The following IZUMO1R variants were observed in gnomAD, a reference collection of about 807,000 sequenced individuals.
The protein encoded by IZUMO1R is IZUMO1 receptor, JUNO.
IZUMO1R carries 24 observed loss-of-function variants against 22.1 expected under a neutral mutation model. The observed-to-expected ratio is 1.09, with a 90% CI of 0.79 to 1.53. The LOEUF is 1.53. IZUMO1R is among the 40% of genes most tolerant of loss of function. IZUMO1R has a pLI of 0.00. For synonymous variants in IZUMO1R, 133 were observed against 121.2 expected, an observed-to-expected ratio of 1.10 and a Z score of -0.64; for missense variants, 308 against 314.9, an observed-to-expected ratio of 0.98 and a Z score of 0.17.
At position 94,305,733 on chromosome 11, in the gene IZUMO1R, C is replaced by T. The variant is rs535597232; in HGVS notation, c.97C>T (p.His33Tyr). 6.2e-7 allele frequency: 1 copy of T among 1,613,322 alleles called. No individual in the cohort carries two copies. The highest frequency in any genetic ancestry group is 1.1e-5 in the South Asian group (1 of 91,012). The change falls in exon 2 of 5, where the codon CAC (histidine) becomes TAC (tyrosine). Residue 33 changes from histidine to tyrosine, a missense_variant. Physicochemically the swap from His to Tyr is moderately conservative, Grantham distance 83. Coordinates refer to ENST00000687084, the MANE Select transcript of IZUMO1R (RefSeq NM_001199206.4). ...LLNICMNAKHHKRVPSPEDKL... is the reference protein window; with the variant it reads ...LLNICMNAKHYKRVPSPEDKL... ...CAACATCTGCATGAATGCCAAACAC[C>T]ACAAGAGAGTGCCCAGCCCAGAAGA... is the stretch of plus-strand genomic sequence containing the variant.
rs1436019283 is a variant in IZUMO1R at position 94,307,962 on chromosome 11, G to A, written c.*270G>A. On this transcript the variant is annotated 3_prime_UTR_variant, in exon 5 of 5. Coordinates refer to ENST00000687084, the MANE Select transcript of IZUMO1R (RefSeq NM_001199206.4). ...TGCTCTATCTTAGCTGGCCTAGGAG[G>A]CAGCTGGGGGCTGGAAGTGCCAAGG... is the stretch of plus-strand genomic sequence containing the variant. Among the ~76,000 whole-genome samples the A allele has an allele frequency of 6.6e-6, 1 of 152,030 alleles. No homozygotes were observed. Among genetic ancestry groups the A allele is most frequent in the Admixed American group, 6.5e-5 (1 of 15,288 alleles).
chr11:94,305,970 C>G (rs943905696), intron 2 of IZUMO1R, among the ~76,000 whole-genome samples, 196 bp downstream of exon 2: 1 of 151,094 alleles, frequency 6.6e-6, no homozygotes, highest in Non-Finnish European at 1.5e-5. Flanking sequence ...CATTTCTGAG[C>G]TGCTCTAGCC....
rs754098301 is a variant in IZUMO1R at position 94,305,700 on chromosome 11, G to A, written c.64G>A (p.Glu22Lys). 56 of 1,613,212 alleles carry A rather than the reference G, an allele frequency of 3.5e-5. No homozygotes were observed. The highest frequency in any genetic ancestry group is 5.0e-5 in the Admixed American group (3 of 59,946). ...AGTCATGCCCACCTGGGCTGGGGACGAGCTGCTCAACATCTGCATGAATGC... is the reference window on the plus strand; with the variant it reads ...AGTCATGCCCACCTGGGCTGGGGACAAGCTGCTCAACATCTGCATGAATGC... ...WTVMPTWAGD[E>K]LLNICMNAKH... is the part of the protein sequence containing the mutation. The change falls in exon 2 of 5, where the codon GAG becomes AAG. Residue 22 changes from glutamate to lysine, a missense_variant. Coordinates refer to ENST00000687084, the MANE Select transcript of IZUMO1R (RefSeq NM_001199206.4).
In IZUMO1R at chr11:94,306,544, C is replaced by A; in HGVS notation, c.170C>A (p.Thr57Asn). ...CCCTGGAAGGACAATGCCTGCTGCA[C>A]CCTCACGACAAGCTGGGAAGCCCAT... The part of the protein sequence containing the change: ...CIPWKDNACC[T>N]LTTSWEAHLD... The change falls in exon 3 of 5, where the codon ACC (threonine) becomes AAC (asparagine). Residue 57 changes from threonine to asparagine, a missense_variant. By Grantham distance (65) the Thr-to-Asn change is moderately conservative. Transcript: ENST00000687084. 1 of 1,613,946 alleles carries A rather than the reference C, an allele frequency of 6.2e-7. No homozygotes were observed. The highest frequency in any genetic ancestry group is 1.1e-5 in the South Asian group (1 of 91,076).
In IZUMO1R at chr11:94,307,493, T is replaced by A; in HGVS notation, c.554T>A (p.Leu185Gln). ...FSHYFPTPAD[L>Q]CEKTWSNSFK... ...CATTACTTCCCCACCCCAGCTGACC[T>A]GTGTGAGAAGACTTGGAGCAATTCC... Residue 185 changes from leucine (L) to glutamine (Q), a missense_variant, in exon 5 of 5, where the codon CTG becomes CAG. Leu to Gln is a moderately radical substitution (Grantham distance 113). Transcript: ENST00000687084. 1 of 1,613,844 alleles carries A rather than the reference T, an allele frequency of 6.2e-7. No individual in the cohort carries two copies. The highest frequency in any genetic ancestry group is 2.2e-5 in the East Asian group (1 of 44,846).
rs1944038990 is a variant in IZUMO1R at position 94,307,798 on chromosome 11, G to A, written c.*106G>A. On this transcript the variant is annotated 3_prime_UTR_variant, in exon 5 of 5. Transcript: ENST00000687084. ...GGCCCTCCCCTAAAAGCAGTGGCAT[G>A]GGCTAGGGACTGCAGTCCCACCCAG... is the stretch of plus-strand genomic sequence containing the variant. 1 of 1,195,026 alleles carries A rather than the reference G, an allele frequency of 8.4e-7. No homozygotes were observed. The highest frequency in any genetic ancestry group is 1.2e-6 in the Non-Finnish European group (1 of 855,322). 74.0% of individuals were successfully genotyped at this position (1,195,026 alleles called of 1,614,324 possible). A position where few individuals can be genotyped will look rare whatever the true frequency, so the allele number is the denominator to read the frequency against.
At chr11:94,305,795 T>A (rs754188100) in intron 2 of IZUMO1R, 21 bp downstream of exon 2, 4 of 1,611,280 alleles carry the variant, frequency 2.5e-6, no homozygotes, top group Non-Finnish European at 3.4e-6. Context: ...CAGACCTGGG[T>A]ATGGGATGGG....
In IZUMO1R at chr11:94,304,814, T is replaced by G. The variant is rs1943998086; in HGVS notation, c.-72T>G. On this transcript the variant is annotated 5_prime_UTR_variant, in exon 1 of 5. Transcript: ENST00000687084. ...GTAATAAATGGGCGGGACATGGAAC[T>G]CCCCTCAGCCTCATAGTCTCAGGGG... 6.6e-6 allele frequency among the ~76,000 whole-genome samples: 1 copy of G among 151,994 alleles called. No homozygotes were observed. Among genetic ancestry groups the G allele is most frequent in the South Asian group, 2.1e-4 (1 of 4,808 alleles).
chr11:94,307,335 G>A (rs781216081), intron 4 of IZUMO1R, 35 bp downstream of exon 4: 9 of 1,612,478 alleles, frequency 5.6e-6, no homozygotes, highest in Non-Finnish European at 5.9e-6. Flanking sequence ...GTCGGGAAGA[G>A]GCCCCTTGGT....
chr11:94,305,811 T>C, intron 2 of IZUMO1R, 37 bp downstream of exon 2: 2 of 1,606,404 alleles, frequency 1.2e-6, no homozygotes, highest in Non-Finnish European at 1.7e-6. Flanking sequence ...ATGGGGAAGA[T>C]CAGGGAAGGG....
chr11:94,306,738 G>T lies in IZUMO1R; in HGVS notation c.348+16G>T. 1.2e-6 allele frequency: 2 copies of T among 1,611,778 alleles called. No homozygotes were observed. The highest frequency in any genetic ancestry group is 1.7e-6 in the Non-Finnish European group (2 of 1,178,178). ...GGGGTGGGAGGTAGGAAGCAGATCT[G>T]TGCCATGCCCTGTTATTATATTAAC... On this transcript the variant is annotated intron_variant, in intron 3 of 4. Coordinates refer to ENST00000687084, the MANE Select transcript of IZUMO1R (RefSeq NM_001199206.4).
Position 94,307,903 on chromosome 11 carries a change from C to G in IZUMO1R, c.*211C>G, listed in dbSNP as rs1314416551. On this transcript the variant is annotated 3_prime_UTR_variant, in exon 5 of 5. Transcript: ENST00000687084. ...GGCTTCAGCGGCTGGTGCCTGCAAC[C>G]TGCACATTTGGTCCGAGACCCCCTC... is the stretch of plus-strand genomic sequence containing the variant. 6.6e-6 allele frequency among the ~76,000 whole-genome samples: 1 copy of G among 151,772 alleles called. No individual in the cohort carries two copies. Among genetic ancestry groups the G allele is most frequent in the Non-Finnish European group, 1.5e-5 (1 of 67,894 alleles).
At position 94,307,745 on chromosome 11, in the gene IZUMO1R, G is replaced by A. The variant is rs989870406; in HGVS notation, c.*53G>A. 3.8e-6 allele frequency: 6 copies of A among 1,586,660 alleles called. No homozygotes were observed. In the African/African-American group the frequency reaches 4.0e-5, roughly 11 times the overall value. ...TGCATGTCCACCAACTGTGGGTCAG[G>A]CCAGGCCATGGCCTACCTCCTTCCT... On this transcript the variant is annotated 3_prime_UTR_variant, in exon 5 of 5. Coordinates refer to ENST00000687084, the MANE Select transcript of IZUMO1R (RefSeq NM_001199206.4).
rs1289936025 is a variant in IZUMO1R at position 94,306,724 on chromosome 11, T to C, written c.348+2T>C. On this transcript the variant is annotated splice_donor_variant, in intron 3 of 4. Transcript: ENST00000687084. LOFTEE classifies it high-confidence loss of function. The stretch of plus-strand genomic sequence containing the variant: ...CCAGTGGGAAGCCTGGGGTGGGAGG[T>C]AGGAAGCAGATCTGTGCCATGCCCT... 4 of 1,613,378 alleles carry C rather than the reference T, an allele frequency of 2.5e-6. No homozygotes were observed. In the African/African-American group the frequency reaches 4.0e-5, roughly 16 times the overall value.
At chr11:94,306,388 G>T (rs925631329) in intron 2 of IZUMO1R, 125 bp from the exon 3 acceptor site, 4 of 851,360 alleles carry the variant, frequency 4.7e-6, no homozygotes, top group Non-Finnish European at 5.9e-6. Flanking sequence ...GGGCTTACTA[G>T]CTAAAGGCAT....
chr11:94,306,665 T>C lies in IZUMO1R; in HGVS notation c.291T>C (p.Tyr97=). 6.2e-7 allele frequency: 1 copy of C among 1,614,002 alleles called. No individual in the cohort carries two copies. The highest frequency in any genetic ancestry group is 8.5e-7 in the Non-Finnish European group (1 of 1,179,880). Residue 97 remains tyrosine (Y), a synonymous_variant, in exon 3 of 5, where the codon TAT becomes TAC. Transcript: ENST00000687084. ...RKHFIQAICF[Y]ECSPNLGPWI... is the part of the protein sequence containing the mutation. ...ACTTCATCCAGGCTATCTGCTTCTA[T>C]GAGTGCTCCCCAAACCTGGGGCCCT...
chr11:94,307,941 C>G lies in IZUMO1R; in HGVS notation c.*249C>G, dbSNP rs76339815. Among the ~76,000 whole-genome samples the G allele has an allele frequency of 4.9e-4, 74 of 152,138 alleles. No individual in the cohort carries two copies. The East Asian group carries it at 9.5e-3, about 19-fold the overall frequency. On this transcript the variant is annotated 3_prime_UTR_variant, in exon 5 of 5. Coordinates refer to ENST00000687084, the MANE Select transcript of IZUMO1R (RefSeq NM_001199206.4). ...CCGAGACCCCCTCCACTGCTCTGCTCTATCTTAGCTGGCCTAGGAGGCAGC... is the reference window on the plus strand; with the variant it reads ...CCGAGACCCCCTCCACTGCTCTGCTGTATCTTAGCTGGCCTAGGAGGCAGC...
Position 94,304,878 on chromosome 11 carries a change from AAGTG to A in IZUMO1R, c.-7+3_-7+6del, listed in dbSNP as rs1943998599. Reference sequence around the variant, plus strand: ...GAGCACCTGAAGGCTCCTGCCTTGAAAGTGAGTATGAAGAGAGTGCTGGAAGGGG... The same window carrying A: ...GAGCACCTGAAGGCTCCTGCCTTGAAAGTATGAAGAGAGTGCTGGAAGGGG... On this transcript the variant is annotated splice_donor_variant and splice_donor_region_variant and 5_prime_UTR_variant and intron_variant, in exon 1 of 5. Transcript: ENST00000687084. LOFTEE classifies it low-confidence loss of function (5UTR_SPLICE). Among the ~76,000 whole-genome samples the A allele has an allele frequency of 6.6e-6, 1 of 152,126 alleles. No homozygotes were observed. Among genetic ancestry groups the A allele is most frequent in the Non-Finnish European group, 1.5e-5 (1 of 68,008 alleles).
chr11:94,307,082 C>A, intron 3 of IZUMO1R, 83 bp from the exon 4 acceptor site: 1 of 1,445,710 alleles, frequency 6.9e-7, no homozygotes. Context: ...CATATGGTAC[C>A]TGGTACAAAT....
Sources: gnomAD v4.1 joint callset for allele counts (sites outside exome capture counted in the v4.1 genomes callset) on GRCh38, gnomAD v4.1.1 for gene constraint, MANE v1.5 for transcripts, NCBI Gene and HGNC (gene_info 2026-07-23, HGNC 2026-07-21) for gene names.